GPSM1: variants seen among roughly 807,000 people sequenced by gnomAD.
GPSM1 encodes the protein G protein-signaling modulator 1.
A neutral mutation model predicts 70.5 loss-of-function variants in GPSM1; 48 were observed. The observed-to-expected ratio is 0.68, with a 90% CI of 0.54 to 0.87. GPSM1 has a LOEUF of 0.87. GPSM1 is among the 40% of genes least tolerant of loss of function. The pLI, the probability that GPSM1 is intolerant of heterozygous loss-of-function variation, is 0.00. For missense variants in GPSM1, 981 were observed against 972.6 expected (o/e 1.01, Z -0.11); for synonymous variants, 416 against 430.1 (o/e 0.97, Z 0.41).
chr9:136,336,869 A>G lies in GPSM1; in HGVS notation c.427-52A>G, dbSNP rs1280907361. 8.6e-6 allele frequency: 13 copies of G among 1,515,692 alleles called. 1 individual carries two copies. The highest frequency in any genetic ancestry group is 1.1e-5 in the Non-Finnish European group (12 of 1,124,810). 93.9% of individuals were successfully genotyped at this position (1,515,692 alleles called of 1,614,324 possible). A position where few individuals can be genotyped will look rare whatever the true frequency, so the allele number is the denominator to read the frequency against. On this transcript the variant is annotated intron_variant, in intron 3 of 13. Transcript: ENST00000440944. ...GGACACCGGTGTGCCGGCTCTGCAC[A>G]TCGTGTGGGGGGCCGTGGAGGCATG...
intron 11 of GPSM1, chr9:136,355,046 G>C: frequency 1.1e-6 from 1 of 932,898 alleles, no homozygotes; most frequent in Non-Finnish European, 1.3e-6. Context: ...CCTGGGGGAG[G>C]GGTAGCCGGG....
rs1554769181 is a variant in GPSM1, at chr9:136,336,078, A to G, written c.403A>G (p.Ile135Val). 1 of 1,611,904 alleles carries G rather than the reference A, an allele frequency of 6.2e-7. No individual in the cohort carries two copies. Among genetic ancestry groups the G allele is most frequent in the Admixed American group, 1.7e-5 (1 of 59,988 alleles). Residue 135 changes from isoleucine (I) to valine (V), a missense_variant, in exon 3 of 14, where the codon ATC (isoleucine) becomes GTC (valine). Physicochemically the swap from Ile to Val is conservative, Grantham distance 29 (BLOSUM62 3). Coordinates refer to ENST00000440944, the MANE Select transcript of GPSM1 (RefSeq NM_001145638.3). ...AAVCCQRHLSIAQEQGDKVGE... is the reference protein window; with the variant it reads ...AAVCCQRHLSVAQEQGDKVGE... ...CGTCTGCTGCCAGCGGCATCTGAGC[A>G]TCGCCCAAGAGCAGGGAGACAAGGT...
intron 9 of GPSM1, among the ~76,000 whole-genome samples, chr9:136,346,778 CAG>C (rs1304250434): frequency 3.3e-5 from 5 of 152,274 alleles, no homozygotes; most frequent in East Asian, 1.9e-4. Context: ...AGGCTGGGGT[CAG>C]GGGGATGTTG....
In GPSM1 at chr9:136,355,829, C is replaced by T; in HGVS notation, c.1595C>T (p.Thr532Ile). ...GCTGCCGAGGCCACGGCCGCCCCCA[C>T]CCTGGAGGACAGGATCGGTGAGTGC... ...AGAAEATAAP[T>I]LEDRIAQPSM... The change falls in exon 12 of 14, where the codon ACC becomes ATC. Residue 532 changes from threonine (T) to isoleucine (I), a missense_variant. Physicochemically the swap from Thr to Ile is moderately conservative, Grantham distance 89. Transcript: ENST00000440944. 1 of 1,609,910 alleles carries T rather than the reference C, an allele frequency of 6.2e-7. No individual in the cohort carries two copies. Among genetic ancestry groups the T allele is most frequent in the Non-Finnish European group, 8.5e-7 (1 of 1,178,300 alleles).
rs547158919 is a variant in GPSM1, at chr9:136,346,791, G to T, written c.1208-1906G>T. 4.6e-5 allele frequency among the ~76,000 whole-genome samples: 7 copies of T among 152,310 alleles called. No homozygotes were observed. The East Asian group carries it at 1.2e-3, about 25-fold the overall frequency. On this transcript the variant is annotated intron_variant, in intron 9 of 13. Coordinates refer to ENST00000440944, the MANE Select transcript of GPSM1 (RefSeq NM_001145638.3). The stretch of plus-strand genomic sequence containing the variant: ...TGAGGCTGGGGTCAGGGGGATGTTG[G>T]CTGAGTGACAGCTGTGCAGGTGAGG...
Position 136,343,887 on chromosome 9 carries a change from C to T in GPSM1, c.1207+2894C>T, listed in dbSNP as rs531470966. On this transcript the variant is annotated intron_variant, in intron 9 of 13. Transcript: ENST00000440944. The surrounding 1 kb of genome is among the most constrained non-coding windows in gnomAD (Gnocchi z 6.0). ...ATGGAGGATGCACCCTCTGTCCGTG[C>T]GCCTAAGAGGGCCCAGAGGGGACAG... 6.6e-6 allele frequency among the ~76,000 whole-genome samples: 1 copy of T among 152,182 alleles called. No homozygotes were observed. Among genetic ancestry groups the T allele is most frequent in the African/African-American group, 2.4e-5 (1 of 41,446 alleles).
At chr9:136,333,283 GTCC>G (rs1177026348) in intron 1 of GPSM1, among the ~76,000 whole-genome samples, 1 of 152,216 alleles carries the variant, frequency 6.6e-6, no homozygotes, top group Non-Finnish European at 1.5e-5. Context: ...TGCTGGGTGT[GTCC>G]TCCCCCCGCG....
chr9:136,349,723 CG>C lies in GPSM1; in HGVS notation c.1416del (p.Leu473TrpfsTer30). ...ERRPREGSHS[P>X]LDSADVRVHV... The stretch of plus-strand genomic sequence containing the variant: ...AGGCCCCGGGAGGGCAGCCACTCCC[CG>C]CTGGACAGCGCCGACGTCCGGGTGC... On this transcript the variant is annotated frameshift_variant, in exon 11 of 14. Coordinates refer to ENST00000440944, the MANE Select transcript of GPSM1 (RefSeq NM_001145638.3). LOFTEE classifies it high-confidence loss of function. The C allele has an allele frequency of 1.3e-6, 2 of 1,576,888 alleles. No homozygotes were observed. Among genetic ancestry groups the C allele is most frequent in the Non-Finnish European group, 1.7e-6 (2 of 1,162,594 alleles).
Position 136,337,966 on chromosome 9 carries a change from G to A in GPSM1, c.818+5G>A. ...CGTGGCCGCCGAGTACTACAAGTAG[G>A]TGGTCCCCACAATCTCCCAGGGAGA... On this transcript the variant is annotated splice_donor_5th_base_variant and intron_variant, in intron 6 of 13. Coordinates refer to ENST00000440944, the MANE Select transcript of GPSM1 (RefSeq NM_001145638.3). 6.3e-7 allele frequency: 1 copy of A among 1,582,422 alleles called. No individual in the cohort carries two copies.
chr9:136,345,744 G>A (rs551635435), intron 9 of GPSM1, among the ~76,000 whole-genome samples: 62 of 152,326 alleles, frequency 4.1e-4, no homozygotes, highest in African/African-American at 1.5e-3. Flanking sequence ...GGTAAGTGAA[G>A]GGCCCGCCCC....
intron 5 of GPSM1, 140 bp downstream of exon 5, chr9:136,337,704 C>T (rs1188673425): frequency 2.0e-6 from 2 of 988,796 alleles, no homozygotes; most frequent in East Asian, 2.6e-5. Flanking sequence ...GCCTCATCTG[C>T]ACTTGGTCCT....
chr9:136,336,228 G>C (rs983414091), intron 3 of GPSM1, 127 bp downstream of exon 3: 1 of 1,136,816 alleles, frequency 8.8e-7, no homozygotes, highest in South Asian at 1.5e-5. Context: ...CAGGGAGGTC[G>C]GTCCCCTAGA....
chr9:136,334,777 G>C, intron 2 of GPSM1, 109 bp downstream of exon 2: 1 of 868,882 alleles, frequency 1.2e-6, no homozygotes, highest in Non-Finnish European at 1.8e-6. Context: ...GGCGCGGTGA[G>C]TGGGGACAGC....
intron 11 of GPSM1, among the ~76,000 whole-genome samples, chr9:136,354,224 A>G (rs1832749643): frequency 6.6e-6 from 1 of 152,186 alleles, no homozygotes; most frequent in Non-Finnish European, 1.5e-5. Flanking sequence ...TCTGAATCCC[A>G]GCTCTTTTTT....
Position 136,327,753 on chromosome 9 carries a change from C to T in GPSM1, c.58C>T (p.Leu20Phe). Reference protein sequence around the residue: ...DELPGPAARRLYSRMEASCLE... With the variant: ...DELPGPAARRFYSRMEASCLE... ...GCTCCCGGGCCCGGCCGCCAGGCGC[C>T]TCTACTCCAGGTAGGACGGGCCGGG... Residue 20 changes from leucine to phenylalanine, a missense_variant, in exon 1 of 14, where the codon CTC (leucine) becomes TTC (phenylalanine). Physicochemically the swap from Leu to Phe is conservative, Grantham distance 22 (BLOSUM62 0). Coordinates refer to ENST00000440944, the MANE Select transcript of GPSM1 (RefSeq NM_001145638.3). 1 of 1,190,338 alleles carries T rather than the reference C, an allele frequency of 8.4e-7. No individual in the cohort carries two copies. The highest frequency in any genetic ancestry group is 1.0e-6 in the Non-Finnish European group (1 of 960,478). The allele number at this position is 1,190,338 out of a possible 1,614,324, so 73.7% of individuals were successfully genotyped here.
At chr9:136,328,567 G>A (rs782187646) in intron 1 of GPSM1, among the ~76,000 whole-genome samples, 1 of 152,330 alleles carries the variant, frequency 6.6e-6, no homozygotes, top group Non-Finnish European at 1.5e-5. Flanking sequence ...TCCCTGATAG[G>A]GGTCCCAGCA....
rs1564349043 is a variant in GPSM1 at position 136,343,374 on chromosome 9, C to G, written c.1207+2381C>G. Among the ~76,000 whole-genome samples, 1 of 152,198 alleles carries G rather than the reference C, an allele frequency of 6.6e-6. No individual in the cohort carries two copies. On this transcript the variant is annotated intron_variant, in intron 9 of 13. Transcript: ENST00000440944. This position sits in a 1 kb window ranked among gnomAD's most constrained non-coding sequence, Gnocchi z 6.0. ...GAGCCGGCCCTGAGCCCTGCAGGACCGCCCCCTGCCCTTGGCCTGTCCCCG... is the reference window on the plus strand; with the variant it reads ...GAGCCGGCCCTGAGCCCTGCAGGACGGCCCCCTGCCCTTGGCCTGTCCCCG...
chr9:136,355,797 G>A lies in GPSM1; in HGVS notation c.1563G>A (p.Gln521=). The A allele has an allele frequency of 6.2e-7, 1 of 1,612,114 alleles. No homozygotes were observed. The change falls in exon 12 of 14, where the codon CAG becomes CAA. Residue 521 remains glutamine (Q), a synonymous_variant. Transcript: ENST00000440944. ...DDQRCPLDDG[Q]AGAAEATAAP... ...AGCGTTGTCCCCTGGACGATGGCCA[G>A]GCCGGGGCTGCCGAGGCCACGGCCG... is the stretch of plus-strand genomic sequence containing the variant.
Position 136,358,531 on chromosome 9 carries a change from C to G in GPSM1, c.*311C>G, listed in dbSNP as rs1403105901. 2 of 500,992 alleles carry G rather than the reference C, an allele frequency of 4.0e-6. No individual in the cohort carries two copies. Among genetic ancestry groups the G allele is most frequent in the Non-Finnish European group, 7.0e-6 (2 of 285,044 alleles). 31.0% of individuals were successfully genotyped at this position (500,992 alleles called of 1,614,324 possible). ...CGCATCCTCTCCCCCAAGCCCTTCCCGTTCTGCCCTGCCCTGCCAAATGTG... is the reference window on the plus strand; with the variant it reads ...CGCATCCTCTCCCCCAAGCCCTTCCGGTTCTGCCCTGCCCTGCCAAATGTG... On this transcript the variant is annotated 3_prime_UTR_variant, in exon 14 of 14. Transcript: ENST00000440944.
Sources: gnomAD v4.1 joint callset for allele counts (sites outside exome capture counted in the v4.1 genomes callset) on GRCh38, gnomAD v4.1.1 for gene constraint, Gnocchi (gnomAD v3.1) non-coding constraint, MANE v1.5 for transcripts, NCBI Gene and HGNC (gene_info 2026-07-23, HGNC 2026-07-21) for gene names.